The following SPAG17 variants were observed in gnomAD, a reference collection of about 807,000 sequenced individuals.
SPAG17 encodes sperm-associated antigen 17.
In SPAG17, 169 loss-of-function variants were observed where a neutral mutation model predicts 273.6. That is an observed-to-expected ratio of 0.62 (90% CI 0.55 to 0.70). The LOEUF (loss-of-function observed/expected upper bound fraction) is 0.70, where lower values mean the gene tolerates loss of function less well. Ranked by LOEUF, SPAG17 falls within the 30% of genes least tolerant of loss-of-function variation. SPAG17 has a pLI of 0.00. For missense variants in SPAG17, 2,557 were observed against 2,627.8 expected (o/e 0.97, Z 0.59); for synonymous variants, 825 against 873.2 (o/e 0.94, Z 0.97).
intron 32 of SPAG17, among the ~76,000 whole-genome samples, chr1:118,002,444 T>C (rs1480428586): frequency 2.0e-5 from 3 of 152,160 alleles, no homozygotes; most frequent in Non-Finnish European, 2.9e-5. Flanking sequence ...CCCATTACTA[T>C]TGTGTGGGAG....
At position 118,086,651 on chromosome 1, in the gene SPAG17, G is replaced by A. The variant is rs113756371; in HGVS notation, c.1611+20C>T. 6,430 of 1,607,392 alleles carry A rather than the reference G, an allele frequency of 4.0e-3. 72 individuals carry two copies. Among genetic ancestry groups the A allele is most frequent in the African/African-American group, 0.03 (2,278 of 74,822 alleles). ...ACTTTCCCACATCGGTTTTCCTTGGGCTAACCTGATTATTATTACCTGTAG... is the reference window on the plus strand; with the variant it reads ...ACTTTCCCACATCGGTTTTCCTTGGACTAACCTGATTATTATTACCTGTAG... On this transcript the variant is annotated intron_variant, in intron 12 of 48. Transcript: ENST00000336338.
chr1:118,164,521 T>C lies in SPAG17; in HGVS notation c.88-13152A>G, dbSNP rs548104396. 2.0e-4 allele frequency among the ~76,000 whole-genome samples: 31 copies of C among 152,362 alleles called. No individual in the cohort carries two copies. In the South Asian group the frequency reaches 6.2e-3, roughly 31 times the overall value. ...CCCTCTTCCAAGAGCTTTTTGAATC[T>C]GTCTCTTCCTTTTTATTCTCATCAC... On this transcript the variant is annotated intron_variant, in intron 1 of 48. Transcript: ENST00000336338.
At chr1:118,000,873 T>C (rs1343011003) in intron 32 of SPAG17, among the ~76,000 whole-genome samples, 1 of 152,214 alleles carries the variant, frequency 6.6e-6, no homozygotes, top group Non-Finnish European at 1.5e-5. Context: ...ATAGGAGTGG[T>C]GAGAGAGGGC....
intron 25 of SPAG17, among the ~76,000 whole-genome samples, chr1:118,030,198 T>A (rs905626621): frequency 6.6e-6 from 1 of 152,172 alleles, no homozygotes; most frequent in African/African-American, 2.4e-5. Flanking sequence ...TTATCTAGTA[T>A]AACTATGTAA....
At chr1:118,118,639 C>T (rs943090372) in intron 3 of SPAG17, among the ~76,000 whole-genome samples, 6 of 152,184 alleles carry the variant, frequency 3.9e-5, no homozygotes, top group African/African-American at 1.4e-4. Flanking sequence ...GTCAGCTCTC[C>T]AGGCAGAGAG....
At chr1:118,074,346 A>C (rs1041351073) in intron 16 of SPAG17, among the ~76,000 whole-genome samples, 193 bp downstream of exon 16, 1 of 152,160 alleles carries the variant, frequency 6.6e-6, no homozygotes, top group Non-Finnish European at 1.5e-5. Context: ...GTTATGCGCA[A>C]GCCGCCTAGC....
At chr1:118,115,576 A>G (rs1027748082) in intron 3 of SPAG17, 135 bp from the exon 4 acceptor site, 3 of 911,676 alleles carry the variant, frequency 3.3e-6, no homozygotes, top group Admixed American at 3.2e-5. Flanking sequence ...GCTGAAAAAA[A>G]AAAGTTAGGG....
At chr1:117,994,979 C>A (rs950272561) in intron 34 of SPAG17, among the ~76,000 whole-genome samples, 17 of 152,128 alleles carry the variant, frequency 1.1e-4, no homozygotes, top group African/African-American at 4.1e-4. Flanking sequence ...ATGATGAAAA[C>A]TCTTTTTTGC....
rs1241622085 is a variant in SPAG17 at position 118,086,911 on chromosome 1, G to C, written c.1457C>G (p.Ser486Cys). ...TGAGAGACAGAGTGAGGGCAGAAGG[G>C]ACACAATGTGAGCTGCGATTCTGTG... ...LDHRIAAHIV[S>C]LLPSLCLSER... Residue 486 changes from serine to cysteine, a missense_variant, in exon 11 of 49, where the codon TCC becomes TGC. Coordinates refer to ENST00000336338, the MANE Select transcript of SPAG17 (RefSeq NM_206996.4). 36 of 1,613,270 alleles carry C rather than the reference G, an allele frequency of 2.2e-5. No individual in the cohort carries two copies. The highest frequency in any genetic ancestry group is 3.1e-5 in the Non-Finnish European group (36 of 1,179,812).
chr1:118,156,356 A>T (rs1659650167), intron 1 of SPAG17, among the ~76,000 whole-genome samples: 1 of 152,230 alleles, frequency 6.6e-6, no homozygotes. Flanking sequence ...TCAAAGCAAC[A>T]GGGAGTACAT....
At chr1:118,096,765 CA>C (rs1171803111) in intron 7 of SPAG17, among the ~76,000 whole-genome samples, 2 of 152,088 alleles carry the variant, frequency 1.3e-5, no homozygotes, top group African/African-American at 4.8e-5. Context: ...AACTGAGCAC[CA>C]GATATGTGGG....
At chr1:118,152,759 T>G (rs1235962002) in intron 1 of SPAG17, among the ~76,000 whole-genome samples, 2 of 152,228 alleles carry the variant, frequency 1.3e-5, no homozygotes, top group East Asian at 3.8e-4. Context: ...ACTGACCATT[T>G]ATTTTTTAAA....
rs1042715246 is a variant in SPAG17, at chr1:118,109,504, G to A, written c.447+5806C>T. 1.6e-4 allele frequency among the ~76,000 whole-genome samples: 24 copies of A among 150,554 alleles called. 1 individual carries two copies. Among genetic ancestry groups the A allele is most frequent in the Admixed American group, 2.7e-4 (4 of 15,092 alleles). The stretch of plus-strand genomic sequence containing the variant: ...TGGGAGGCAGAGGTTGCAGTGAGCC[G>A]AGATCGTGCCACTGTACTCCAGCCT... On this transcript the variant is annotated intron_variant, in intron 4 of 48. Coordinates refer to ENST00000336338, the MANE Select transcript of SPAG17 (RefSeq NM_206996.4).
At chr1:118,048,106 C>G (rs942736088) in intron 20 of SPAG17, among the ~76,000 whole-genome samples, 1 of 152,132 alleles carries the variant, frequency 6.6e-6, no homozygotes, top group Non-Finnish European at 1.5e-5. Flanking sequence ...CAGGCTGGTG[C>G]CGAAAGCCCC....
intron 43 of SPAG17, among the ~76,000 whole-genome samples, chr1:117,977,108 G>A (rs954903781): frequency 1.3e-5 from 2 of 151,028 alleles, no homozygotes; most frequent in African/African-American, 4.9e-5. Context: ...TCAGGAGTTC[G>A]AGACCAGACT....
At chr1:118,176,728 C>T (rs1660715442) in intron 1 of SPAG17, among the ~76,000 whole-genome samples, 1 of 152,166 alleles carries the variant, frequency 6.6e-6, no homozygotes, top group Non-Finnish European at 1.5e-5. Flanking sequence ...CAACATTTCA[C>T]TCAAATACTG....
At chr1:118,054,752 A>T (rs1651464497) in intron 19 of SPAG17, among the ~76,000 whole-genome samples, 2 of 151,918 alleles carry the variant, frequency 1.3e-5, no homozygotes, top group Non-Finnish European at 2.9e-5. Context: ...GGGGGTACTT[A>T]ATGCTCTCCT....
chr1:118,005,869 C>A (rs959719072), intron 31 of SPAG17, among the ~76,000 whole-genome samples: 1 of 152,042 alleles, frequency 6.6e-6, no homozygotes, highest in Non-Finnish European at 1.5e-5. Flanking sequence ...TGTCTTATGC[C>A]CCCTTATTTC....
intron 48 of SPAG17, chr1:117,955,393 G>C: frequency 6.2e-7 from 1 of 1,600,056 alleles, no homozygotes; most frequent in Non-Finnish European, 8.6e-7. Flanking sequence ...TTTGTAATCT[G>C]TCAGCAAACA....
Sources: allele counts gnomAD v4.1 joint callset (sites outside exome capture counted in the v4.1 genomes callset), GRCh38; gene constraint gnomAD v4.1.1; transcripts MANE v1.5; gene names NCBI Gene and HGNC (gene_info 2026-07-23, HGNC 2026-07-21).